Variants in PIK3C2B observed in about 807,000 individuals in gnomAD.
The protein encoded by PIK3C2B is phosphatidylinositol 4-phosphate 3-kinase C2 domain-containing subunit beta.
In PIK3C2B, 83 loss-of-function variants were observed where a neutral mutation model predicts 184.3. The ratio of observed to expected loss-of-function variants is 0.45; its 90% confidence interval spans 0.38 to 0.54. The LOEUF (loss-of-function observed/expected upper bound fraction) is 0.54. PIK3C2B is among the 20% of genes least tolerant of loss of function. The probability of loss-of-function intolerance (pLI) is 0.00; values close to 1 mark genes in which losing one functional copy is unlikely to be tolerated. For synonymous variants in PIK3C2B, 779 were observed against 837.6 expected (o/e 0.93, Z 1.21); for missense variants, 1,736 against 2,113.5 (o/e 0.82, Z 3.50).
intron 11 of PIK3C2B, among the ~76,000 whole-genome samples, chr1:204,455,169 C>T (rs1028777943): frequency 1.3e-5 from 2 of 152,240 alleles, no homozygotes; most frequent in Non-Finnish European, 2.9e-5. Flanking sequence ...CGACATATGC[C>T]GACATGAATG....
At chr1:204,431,401 CTT>C (rs1234021887) in intron 28 of PIK3C2B, 2 of 512,310 alleles carry the variant, frequency 3.9e-6, no homozygotes, top group Non-Finnish European at 7.1e-6. Flanking sequence ...TGGTGTAACT[CTT>C]TAAAAAATTA....
At chr1:204,444,579 T>G (rs769547875) in intron 16 of PIK3C2B, among the ~76,000 whole-genome samples, 155 bp from the exon 17 acceptor site, 1 of 152,156 alleles carries the variant, frequency 6.6e-6, no homozygotes, top group Non-Finnish European at 1.5e-5. Context: ...CTTAGCAACT[T>G]CCCTGGATAG....
intron 27 of PIK3C2B, 65 bp from the exon 28 acceptor site, chr1:204,431,858 A>G (rs1363396361): frequency 1.3e-6 from 2 of 1,593,826 alleles, no homozygotes; most frequent in South Asian, 1.1e-5. Context: ...GGGTGTAGGA[A>G]AGGTCCGGAA....
chr1:204,425,876 T>C, intron 31 of PIK3C2B, 135 bp from the exon 32 acceptor site: 1 of 749,754 alleles, frequency 1.3e-6, no homozygotes, highest in South Asian at 1.8e-5. Flanking sequence ...AATTTATTTG[T>C]CTGCTTCCAA....
intron 1 of PIK3C2B, among the ~76,000 whole-genome samples, chr1:204,484,664 G>A (rs1468811853): frequency 6.6e-6 from 1 of 152,002 alleles, no homozygotes; most frequent in East Asian, 1.9e-4. Context: ...AAACTGGGAG[G>A]TGGAAGTTGC....
intron 19 of PIK3C2B, among the ~76,000 whole-genome samples, 153 bp from the exon 20 acceptor site, chr1:204,442,786 A>AC (rs1675740431): frequency 6.6e-6 from 1 of 151,962 alleles, no homozygotes; most frequent in African/African-American, 2.4e-5. Context: ...AAGGAGGAGG[A>AC]CCCCCTACAC....
rs1206599047 is a variant in PIK3C2B at position 204,441,572 on chromosome 1, G to A, written c.3157-9C>T. The A allele has an allele frequency of 2.5e-6, 4 of 1,601,226 alleles. No individual in the cohort carries two copies. Among genetic ancestry groups the A allele is most frequent in the Non-Finnish European group, 3.4e-6 (4 of 1,168,956 alleles). ...TTGAAGTAGGAACAGTCCTGCCATG[G>A]TGAAAAGATAGTGACGAGGGTCAGA... On this transcript the variant is annotated splice_polypyrimidine_tract_variant and intron_variant, in intron 20 of 32. Transcript: ENST00000684373.
intron 14 of PIK3C2B, among the ~76,000 whole-genome samples, chr1:204,448,634 A>C (rs1572327638): frequency 9.8e-5 from 1 of 10,166 alleles, no homozygotes; most frequent in African/African-American, 2.6e-4. Context: ...ATCCTGTCTC[A>C]AAAAAAAAAA....
intron 1 of PIK3C2B, among the ~76,000 whole-genome samples, chr1:204,472,836 C>T (rs2103520307): frequency 1.3e-5 from 2 of 152,200 alleles, no homozygotes; most frequent in South Asian, 4.2e-4. Flanking sequence ...TTTAATTGCT[C>T]TGTGGTAGGG....
At chr1:204,456,093 C>T (rs1211462634) in intron 10 of PIK3C2B, 42 bp from the exon 11 acceptor site, 2 of 1,536,292 alleles carry the variant, frequency 1.3e-6, no homozygotes, top group Admixed American at 3.5e-5. Context: ...ATGAGGCCTC[C>T]ACAAGCCCTA....
intron 1 of PIK3C2B, among the ~76,000 whole-genome samples, chr1:204,474,209 G>A (rs1323657681): frequency 1.3e-5 from 2 of 151,938 alleles, no homozygotes; most frequent in African/African-American, 4.8e-5. Context: ...CAGGCTAGTC[G>A]CGAACTCCCG....
chr1:204,463,649 C>T (rs1655511402), intron 5 of PIK3C2B, among the ~76,000 whole-genome samples: 1 of 152,192 alleles, frequency 6.6e-6, no homozygotes, highest in Admixed American at 6.5e-5. Context: ...CATAAAAACA[C>T]CACACATAAT....
chr1:204,444,430 A>G lies in PIK3C2B; in HGVS notation c.2679-6T>C. ...GCACCTCCTGGTCCGGGAAGCTGCAAAACAGAGCCCAGTGCCCTGACAACC... is the reference window on the plus strand; with the variant it reads ...GCACCTCCTGGTCCGGGAAGCTGCAGAACAGAGCCCAGTGCCCTGACAACC... On this transcript the variant is annotated splice_region_variant and splice_polypyrimidine_tract_variant and intron_variant, in intron 16 of 32. Coordinates refer to ENST00000684373, the MANE Select transcript of PIK3C2B (RefSeq NM_001377334.1). The G allele has an allele frequency of 1.2e-6, 2 of 1,609,492 alleles. No individual in the cohort carries two copies. Among genetic ancestry groups the G allele is most frequent in the African/African-American group, 1.3e-5 (1 of 74,894 alleles).
Position 204,423,379 on chromosome 1 carries a change from C to T in PIK3C2B, c.*1473G>A, listed in dbSNP as rs1674583520. 1 of 148,808 alleles carries T rather than the reference C, an allele frequency of 6.7e-6. No individual in the cohort carries two copies. The highest frequency in any genetic ancestry group is 2.1e-4 in the South Asian group (1 of 4,758). 9.2% of individuals were successfully genotyped at this position (148,808 alleles called of 1,614,324 possible). On this transcript the variant is annotated 3_prime_UTR_variant, in exon 33 of 33. Transcript: ENST00000684373. ...AGGAGAATCGCTTGAACCCGGGAGG[C>T]AGATTTTGCAGTGAGTCGAGATCAT...
At chr1:204,453,002 G>A (rs1425699702) in intron 12 of PIK3C2B, among the ~76,000 whole-genome samples, 1 of 152,034 alleles carries the variant, frequency 6.6e-6, no homozygotes, top group Non-Finnish European at 1.5e-5. Flanking sequence ...AGTGTGAAGG[G>A]CATGAGAAAG....
chr1:204,432,683 G>A (rs1675130501), intron 26 of PIK3C2B, among the ~76,000 whole-genome samples: 1 of 152,164 alleles, frequency 6.6e-6, no homozygotes, highest in African/African-American at 2.4e-5. Context: ...CTCTCTCTGT[G>A]TAAATGTCTA....
intron 20 of PIK3C2B, 138 bp from the exon 21 acceptor site, chr1:204,441,701 A>T: frequency 7.1e-6 from 4 of 562,566 alleles, no homozygotes; most frequent in Non-Finnish European, 1.3e-5. Flanking sequence ...TTTCTTCCGG[A>T]TTTCCCAGAA....
intron 10 of PIK3C2B, 125 bp downstream of exon 10, chr1:204,456,901 CACACACCCACA>C (rs1654901247): frequency 2.3e-4 from 50 of 221,948 alleles, no homozygotes; most frequent in African/African-American, 1.0e-3. Context: ...CACACACACA[CACACACCCACA>C]CACACACACA....
chr1:204,472,313 G>A (rs1216482159), intron 1 of PIK3C2B, among the ~76,000 whole-genome samples: 5 of 151,750 alleles, frequency 3.3e-5, no homozygotes, highest in Admixed American at 1.3e-4. Flanking sequence ...ACAGGCACCC[G>A]CCACCACACC....
Sources: gnomAD v4.1 joint callset for allele counts (sites outside exome capture counted in the v4.1 genomes callset) on GRCh38, gnomAD v4.1.1 for gene constraint, MANE v1.5 for transcripts, NCBI Gene and HGNC (gene_info 2026-07-23, HGNC 2026-07-21) for gene names.